ABLIM1: variants seen among roughly 807,000 people sequenced by gnomAD.
ABLIM1 encodes the protein actin binding LIM protein 1.
A neutral mutation model predicts 107.0 loss-of-function variants in ABLIM1; 40 were observed. That is an observed-to-expected ratio of 0.37 (90% CI 0.29 to 0.49). The LOEUF (loss-of-function observed/expected upper bound fraction) is 0.49, where lower values mean the gene tolerates loss of function less well. Ranked by LOEUF, ABLIM1 falls within the 20% of genes least tolerant of loss-of-function variation. The pLI, the probability that ABLIM1 is intolerant of heterozygous loss-of-function variation, is 0.97. For synonymous variants in ABLIM1, 357 were observed against 357.3 expected (o/e 1.00, Z 0.01); for missense variants, 857 against 1,008.5 (o/e 0.85, Z 2.04).
At chr10:114,597,802 C>G (rs977148302) in intron 2 of ABLIM1, among the ~76,000 whole-genome samples, 3 of 151,938 alleles carry the variant, frequency 2.0e-5, no homozygotes, top group Non-Finnish European at 4.4e-5. Context: ...AGAGGAAAAA[C>G]GTGTGGGATG....
chr10:114,648,177 C>T (rs537364160), intron 1 of ABLIM1, among the ~76,000 whole-genome samples: 20 of 152,288 alleles, frequency 1.3e-4, no homozygotes, highest in African/African-American at 2.9e-4. Context: ...TTCCACTCCT[C>T]GGTATATACC....
At chr10:114,738,781 T>TAA (rs201109393) in intron 1 of ABLIM1, among the ~76,000 whole-genome samples, 2 of 144,930 alleles carry the variant, frequency 1.4e-5, no homozygotes, top group African/African-American at 5.0e-5. Context: ...TGAGGCACGA[T>TAA]AAAAAAAAAA....
Position 114,439,221 on chromosome 10 carries a change from C to G in ABLIM1, c.2097G>C (p.Met699Ile), listed in dbSNP as rs1325889766. Residue 699 changes from methionine to isoleucine, a missense_variant, in exon 21 of 23, where the codon ATG becomes ATC. Transcript: ENST00000533213. ...GCATAGACACTCCTCGGTCCATTCT[C>G]ATTGCAGGCATGTGGCCATCTGGGA... ...QTLPDGHMPA[M>I]RMDRGVSMPN... 4 of 1,614,116 alleles carry G rather than the reference C, an allele frequency of 2.5e-6. No homozygotes were observed. Among genetic ancestry groups the G allele is most frequent in the Non-Finnish European group, 3.4e-6 (4 of 1,180,040 alleles).
At chr10:114,523,680 G>T (rs1194253232) in intron 6 of ABLIM1, among the ~76,000 whole-genome samples, 1 of 152,154 alleles carries the variant, frequency 6.6e-6, no homozygotes, top group African/African-American at 2.4e-5. Context: ...TGCTTAGATG[G>T]TGACTGGATT....
At position 114,448,467 on chromosome 10, in the gene ABLIM1, T is replaced by C. The variant is rs113946462; in HGVS notation, c.1595-447A>G. 4.1e-3 allele frequency among the ~76,000 whole-genome samples: 624 copies of C among 152,186 alleles called. 3 individuals are homozygous for C. The highest frequency in any genetic ancestry group is 6.8e-3 in the Middle Eastern group (2 of 294). ...TCCAGTGGACAACACTCTCCTAGAG[T>C]AATTAGTAATCTAAAATTAAAGAGC... is the stretch of plus-strand genomic sequence containing the variant. On this transcript the variant is annotated intron_variant, in intron 14 of 22. Coordinates refer to ENST00000533213, the MANE Select transcript of ABLIM1 (RefSeq NM_002313.7).
At chr10:114,765,236 G>A (rs912911077) in intron 1 of ABLIM1, among the ~76,000 whole-genome samples, 1 of 151,702 alleles carries the variant, frequency 6.6e-6, no homozygotes, top group Non-Finnish European at 1.5e-5. Flanking sequence ...TAGTAGAGAT[G>A]GGGTTTCACC....
In ABLIM1 at chr10:114,451,617, G is replaced by GT; in HGVS notation, c.1594+6dup. On this transcript the variant is annotated splice_region_variant and intron_variant, in intron 14 of 22. Transcript: ENST00000533213. ...TTAAAAGCTACGCGGAGGAAAGCGG[G>GT]TTTTACCATGCTGTTTGTAGATGGG... 2 of 1,612,360 alleles carry GT rather than the reference G, an allele frequency of 1.2e-6. No individual in the cohort carries two copies. The highest frequency in any genetic ancestry group is 1.7e-6 in the Non-Finnish European group (2 of 1,178,424).
At chr10:114,454,721 T>C (rs1314372381) in intron 12 of ABLIM1, among the ~76,000 whole-genome samples, 20 of 152,196 alleles carry the variant, frequency 1.3e-4, no homozygotes, top group Admixed American at 1.2e-3. Context: ...ATTGTCCTCC[T>C]ACCCTATGTC....
intron 1 of ABLIM1, among the ~76,000 whole-genome samples, chr10:114,750,184 G>A (rs1428154796): frequency 6.6e-6 from 1 of 152,044 alleles, no homozygotes; most frequent in Non-Finnish European, 1.5e-5. Context: ...ATACAGAGAT[G>A]ACTAAAATAA....
intron 1 of ABLIM1, among the ~76,000 whole-genome samples, chr10:114,648,006 T>G (rs958265749): frequency 2.6e-5 from 4 of 152,226 alleles, no homozygotes; most frequent in Non-Finnish European, 5.9e-5. Flanking sequence ...ATAGGATTTG[T>G]GTACATATGG....
chr10:114,653,171 C>T (rs959343321), intron 1 of ABLIM1, among the ~76,000 whole-genome samples: 1 of 152,170 alleles, frequency 6.6e-6, no homozygotes, highest in Non-Finnish European at 1.5e-5. Flanking sequence ...CCCCAGTTTC[C>T]TTCTCTGTAA....
chr10:114,766,334 T>G (rs149245752), intron 1 of ABLIM1, among the ~76,000 whole-genome samples: 7 of 152,166 alleles, frequency 4.6e-5, no homozygotes, highest in Admixed American at 4.6e-4. Context: ...ATGACCAACA[T>G]GAAGTTTGAA....
chr10:114,665,078 C>G (rs549114103), intron 1 of ABLIM1, among the ~76,000 whole-genome samples: 16 of 151,040 alleles, frequency 1.1e-4, no homozygotes, highest in African/African-American at 3.4e-4. Flanking sequence ...GATAGCGCCA[C>G]TGCACTCCGG....
rs1473609541 is a variant in ABLIM1, at chr10:114,441,076, G to C, written c.2000C>G (p.Pro667Arg). ...ATACTGAGCGAAGTCGGTAGAAACA[G>C]GCTGAAATGAGGAAAAACAATTATT... Reference protein sequence around the residue: ...PGYGRNGLHRPVSTDFAQYNS... With the variant: ...PGYGRNGLHRRVSTDFAQYNS... The change falls in exon 19 of 23, where the codon CCT (proline) becomes CGT (arginine). Residue 667 changes from proline (P) to arginine (R), a missense_variant and splice_region_variant. This residue lies in a region of ABLIM1 where 193 missense variants were observed against 208.5 expected (regional missense o/e 0.93). Coordinates refer to ENST00000533213, the MANE Select transcript of ABLIM1 (RefSeq NM_002313.7). 2 of 1,579,634 alleles carry C rather than the reference G, an allele frequency of 1.3e-6. No homozygotes were observed. Among genetic ancestry groups the C allele is most frequent in the Admixed American group, 3.6e-5 (2 of 55,006 alleles).
chr10:114,432,825 C>T lies in ABLIM1; in HGVS notation c.*3435G>A, dbSNP rs1241766562. On this transcript the variant is annotated 3_prime_UTR_variant, in exon 23 of 23. Transcript: ENST00000533213. ...AAAAACAACAACTCATTAACTCTAT[C>T]TCTTTGAGGTTTTGGAGAACAGGAA... is the stretch of plus-strand genomic sequence containing the variant. 2 of 152,150 alleles carry T rather than the reference C, an allele frequency of 1.3e-5. No individual in the cohort carries two copies. Among genetic ancestry groups the T allele is most frequent in the Admixed American group, 1.3e-4 (2 of 15,282 alleles). 9.4% of individuals were successfully genotyped at this position (152,150 alleles called of 1,614,324 possible). A position where few individuals can be genotyped will look rare whatever the true frequency, so the allele number is the denominator to read the frequency against.
At chr10:114,595,155 A>G (rs1261102130) in intron 2 of ABLIM1, 1 of 148,582 alleles carries the variant, frequency 6.7e-6, no homozygotes, top group Non-Finnish European at 1.5e-5. Flanking sequence ...AAAAAAAAAT[A>G]GATCTTGGTC....
chr10:114,636,743 G>C (rs1035247162), intron 1 of ABLIM1, among the ~76,000 whole-genome samples: 2 of 152,014 alleles, frequency 1.3e-5, no homozygotes, highest in African/African-American at 4.8e-5. Flanking sequence ...TAAGAGTGTG[G>C]TTTGCAAGGC....
chr10:114,437,831 G>A lies in ABLIM1; in HGVS notation c.2223+13C>T, dbSNP rs375021023. The A allele has an allele frequency of 1.7e-5, 28 of 1,611,968 alleles. No individual in the cohort carries two copies. Among genetic ancestry groups the A allele is most frequent in the East Asian group, 1.3e-4 (6 of 44,882 alleles). On this transcript the variant is annotated intron_variant, in intron 22 of 22. Transcript: ENST00000533213. ...ATCTGCAGTTGGGACTGGATTTTTCGGTTTTGTTTTACCTCCAGCCTGGTT... is the reference window on the plus strand; with the variant it reads ...ATCTGCAGTTGGGACTGGATTTTTCAGTTTTGTTTTACCTCCAGCCTGGTT...
intron 4 of ABLIM1, among the ~76,000 whole-genome samples, chr10:114,554,153 A>C (rs893581250): frequency 6.6e-6 from 1 of 152,132 alleles, no homozygotes; most frequent in Non-Finnish European, 1.5e-5. Flanking sequence ...TAGCAGAAAG[A>C]AGCACAATAA....
Sources: gnomAD v4.1 joint callset for allele counts (sites outside exome capture counted in the v4.1 genomes callset) on GRCh38, gnomAD v4.1.1 for gene constraint, gnomAD v4.1.1 regional missense constraint, MANE v1.5 for transcripts, NCBI Gene and HGNC (gene_info 2026-07-23, HGNC 2026-07-21) for gene names.